Variants in VPS13D observed in about 807,000 individuals in gnomAD.
VPS13D encodes the protein vacuolar protein sorting 13 homolog D.
Under a neutral mutation model 461.9 loss-of-function variants are expected in VPS13D, and 187 were observed. The observed-to-expected ratio is 0.40, with a 90% CI of 0.36 to 0.46. The LOEUF is 0.46. Ranked by LOEUF, VPS13D falls within the 20% of genes least tolerant of loss-of-function variation. The pLI, the probability that VPS13D is intolerant of heterozygous loss-of-function variation, is 0.60. For synonymous variants in VPS13D, 1,951 were observed against 1,986.3 expected (o/e 0.98, Z 0.47); for missense variants, 4,711 against 5,364.9 (o/e 0.88, Z 3.81).
intron 5 of VPS13D, among the ~76,000 whole-genome samples, chr1:12,244,831 T>C (rs1441210603): frequency 6.6e-6 from 1 of 152,168 alleles, no homozygotes; most frequent in Non-Finnish European, 1.5e-5. Flanking sequence ...AGTTTTCTTG[T>C]TTCTGCTGGC....
chr1:12,276,176 T>C lies in VPS13D; in HGVS notation c.2588T>C (p.Ile863Thr), dbSNP rs375123103. Residue 863 changes from isoleucine to threonine, a missense_variant, in exon 19 of 70, where the codon ATT becomes ACT. Ile to Thr is a moderately conservative substitution (Grantham distance 89). Coordinates refer to ENST00000620676, the MANE Select transcript of VPS13D (RefSeq NM_015378.4). This position sits in a 1 kb window ranked among gnomAD's most constrained non-coding sequence, Gnocchi z 4.5. ...CACCTACAGTTAGAGCGTCGATTGA[T>C]TTATACTTCAGATCCCAAATATCCA... The part of the protein sequence containing the change: ...NVHLQLERRL[I>T]YTSDPKYPGA... 5 of 1,614,020 alleles carry C rather than the reference T, an allele frequency of 3.1e-6. No homozygotes were observed. In the African/African-American group the frequency reaches 4.0e-5, roughly 13 times the overall value.
chr1:12,322,483 A>T (rs938863580), intron 33 of VPS13D, 53 bp from the exon 34 acceptor site: 3 of 1,555,200 alleles, frequency 1.9e-6, no homozygotes, highest in Non-Finnish European at 2.7e-6. Context: ...AGAGATATGG[A>T]TGTAAAACCA....
intron 65 of VPS13D, among the ~76,000 whole-genome samples, chr1:12,429,239 A>G (rs1321722323): frequency 1.3e-5 from 2 of 152,050 alleles, no homozygotes; most frequent in South Asian, 2.1e-4. Context: ...TGTACATTCA[A>G]TGAATGTGTT....
Position 12,249,291 on chromosome 1 carries a change from T to C in VPS13D, c.516T>C (p.Phe172=). 1 of 1,614,140 alleles carries C rather than the reference T, an allele frequency of 6.2e-7. No individual in the cohort carries two copies. The part of the protein sequence containing the change: ...GVTNPSHPFA[F]GICIKNVSMQ... The stretch of plus-strand genomic sequence containing the variant: ...CCAATCCCTCCCATCCTTTTGCTTT[T>C]GGCATCTGCATTAAGAATGTGTCCA... Residue 172 remains phenylalanine, a synonymous_variant, in exon 6 of 70, where the codon TTT becomes TTC. Coordinates refer to ENST00000620676, the MANE Select transcript of VPS13D (RefSeq NM_015378.4).
At chr1:12,475,197 C>G (rs1472609402) in intron 67 of VPS13D, among the ~76,000 whole-genome samples, 2 of 152,162 alleles carry the variant, frequency 1.3e-5, no homozygotes, top group Non-Finnish European at 2.9e-5. Context: ...GGCAAGAGAA[C>G]AGGATTGCAA....
At chr1:12,332,397 G>A (rs922573724) in intron 37 of VPS13D, among the ~76,000 whole-genome samples, 1 of 152,166 alleles carries the variant, frequency 6.6e-6, no homozygotes, top group Non-Finnish European at 1.5e-5. Flanking sequence ...GGTGACCTGC[G>A]TCAATGTGAT....
intron 17 of VPS13D, among the ~76,000 whole-genome samples, chr1:12,272,549 CAATG>C (rs1360731765): frequency 6.6e-6 from 1 of 152,034 alleles, no homozygotes; most frequent in Non-Finnish European, 1.5e-5. Context: ...GAGGGAAGAA[CAATG>C]AACAAATCAT....
chr1:12,404,032 T>C, intron 63 of VPS13D, 59 bp downstream of exon 63: 2 of 1,497,880 alleles, frequency 1.3e-6, no homozygotes, highest in Non-Finnish European at 1.8e-6. Context: ...AGAATGAGTG[T>C]GTTTACTATT....
chr1:12,363,530 A>T (rs1643981880), intron 52 of VPS13D, among the ~76,000 whole-genome samples: 1 of 152,212 alleles, frequency 6.6e-6, no homozygotes, highest in South Asian at 2.1e-4. Flanking sequence ...CTGCATTTAG[A>T]TGGTAACGCT....
At chr1:12,386,868 C>T (rs977009897) in intron 60 of VPS13D, among the ~76,000 whole-genome samples, 5 of 152,248 alleles carry the variant, frequency 3.3e-5, no homozygotes, top group East Asian at 1.9e-4. Context: ...AATTTGAGAA[C>T]GTTTCCAGGG....
In VPS13D at chr1:12,283,056, G is replaced by T. The variant is rs916814336; in HGVS notation, c.4954G>T (p.Val1652Leu). ...GAGCTTAAAGTTTCAGGACTTTGAGGTGGAATTCAGTAAAGACCATCCCCA... is the reference window on the plus strand; with the variant it reads ...GAGCTTAAAGTTTCAGGACTTTGAGTTGGAATTCAGTAAAGACCATCCCCA... ...LVSLKFQDFE[V>L]EFSKDHPQTL... is the part of the protein sequence containing the mutation. The change falls in exon 21 of 70, where the codon GTG (valine) becomes TTG (leucine). Residue 1652 changes from valine to leucine, a missense_variant. Coordinates refer to ENST00000620676, the MANE Select transcript of VPS13D (RefSeq NM_015378.4). The T allele has an allele frequency of 1.2e-6, 2 of 1,614,062 alleles. No homozygotes were observed. Among genetic ancestry groups the T allele is most frequent in the African/African-American group, 2.7e-5 (2 of 74,932 alleles).
At chr1:12,268,673 G>A (rs902658537) in intron 15 of VPS13D, 33 bp from the exon 16 acceptor site, 1 of 1,595,182 alleles carries the variant, frequency 6.3e-7, no homozygotes, top group African/African-American at 1.4e-5. Context: ...TTTTTGCCTT[G>A]TTCCGTGTTC....
intron 50 of VPS13D, among the ~76,000 whole-genome samples, chr1:12,359,998 G>A (rs1311804667): frequency 6.6e-6 from 1 of 152,214 alleles, no homozygotes; most frequent in Non-Finnish European, 1.5e-5. Context: ...TGGGATGGGA[G>A]GAGCTTGTTC....
chr1:12,346,206 T>C (rs1643672065), intron 43 of VPS13D, among the ~76,000 whole-genome samples: 1 of 152,226 alleles, frequency 6.6e-6, no homozygotes, highest in Non-Finnish European at 1.5e-5. Flanking sequence ...TGAAAAATAT[T>C]CTTAGAAAAC....
At chr1:12,262,613 G>A (rs905806374) in intron 13 of VPS13D, among the ~76,000 whole-genome samples, 3 of 152,150 alleles carry the variant, frequency 2.0e-5, no homozygotes, top group Non-Finnish European at 2.9e-5. Context: ...GCTAATGTAA[G>A]TATTCTGAGC....
intron 65 of VPS13D, among the ~76,000 whole-genome samples, chr1:12,440,898 T>C (rs1645121772): frequency 6.6e-6 from 1 of 151,774 alleles, no homozygotes; most frequent in Admixed American, 6.6e-5. Context: ...AATAATAAAA[T>C]TAAAAAATAA....
At chr1:12,467,588 G>A (rs531927073) in intron 67 of VPS13D, among the ~76,000 whole-genome samples, 46 of 152,146 alleles carry the variant, frequency 3.0e-4, no homozygotes, top group South Asian at 6.2e-4. Context: ...CTTCCCTCTC[G>A]CTGAACTCTA....
intron 20 of VPS13D, among the ~76,000 whole-genome samples, chr1:12,281,929 C>G (rs763318657): frequency 3.6e-4 from 55 of 151,546 alleles, no homozygotes; most frequent in Non-Finnish European, 6.8e-4. Flanking sequence ...ACTCTGTGGC[C>G]CAGGCTGGAG....
At chr1:12,281,362 A>G (rs1034762561) in intron 20 of VPS13D, among the ~76,000 whole-genome samples, 2 of 146,512 alleles carry the variant, frequency 1.4e-5, no homozygotes, top group African/African-American at 5.1e-5. Context: ...CTGTTCATCT[A>G]GTTTCCCTCT....
Sources: gnomAD v4.1 joint callset for allele counts (sites outside exome capture counted in the v4.1 genomes callset) on GRCh38, gnomAD v4.1.1 for gene constraint, Gnocchi (gnomAD v3.1) non-coding constraint, MANE v1.5 for transcripts, NCBI Gene and HGNC (gene_info 2026-07-23, HGNC 2026-07-21) for gene names.